The following INSR variants were observed in gnomAD, a reference collection of about 807,000 sequenced individuals.
The protein encoded by INSR is insulin receptor.
Under a neutral mutation model 142.6 loss-of-function variants are expected in INSR, and 67 were observed. The ratio of observed to expected loss-of-function variants is 0.47; its 90% CI spans 0.39 to 0.58. The LOEUF (loss-of-function observed/expected upper bound fraction) is 0.58. Ranked by LOEUF, INSR falls within the 20% of genes least tolerant of loss-of-function variation. INSR has a pLI of 0.00. For missense variants in INSR, 1,248 were observed against 1,833.2 expected (o/e 0.68, Z 5.83); for synonymous variants, 756 against 743.1 (o/e 1.02, Z -0.28).
rs1007419646 is a variant in INSR, at chr19:7,162,280, T to G, written c.2029+752A>C. 5.0e-5 allele frequency among the ~76,000 whole-genome samples: 7 copies of G among 139,604 alleles called. 1 individual carries two copies. Among genetic ancestry groups the G allele is most frequent in the South Asian group, 2.2e-4 (1 of 4,484 alleles). 91.6% of individuals were successfully genotyped at this position (139,604 alleles called of 152,430 possible). A position where few individuals can be genotyped will look rare whatever the true frequency, so the allele number is the denominator to read the frequency against. On this transcript the variant is annotated intron_variant, in intron 9 of 21. Transcript: ENST00000302850. Reference sequence around the variant, plus strand: ...AGGCAGAAGTTGCAATGAGCCGAGATCATGCCACTGCACTCCAGCCTGGGT... The same window carrying G: ...AGGCAGAAGTTGCAATGAGCCGAGAGCATGCCACTGCACTCCAGCCTGGGT...
intron 2 of INSR, among the ~76,000 whole-genome samples, chr19:7,257,336 A>G (rs1976925330): frequency 6.6e-6 from 1 of 152,012 alleles, no homozygotes; most frequent in African/African-American, 2.4e-5. Context: ...CATCGCCACA[A>G]GGGAATTTAT....
intron 13 of INSR, among the ~76,000 whole-genome samples, chr19:7,137,798 CAAAAAAAAAAAAA>C (rs1176523364): frequency 2.4e-4 from 10 of 41,468 alleles, no homozygotes; most frequent in Admixed American, 4.7e-4. Context: ...GACTCCATCT[CAAAAAAAAAAAAA>C]AAAAAAAAAA....
At chr19:7,154,971 T>C (rs143128459) in intron 9 of INSR, among the ~76,000 whole-genome samples, 21 of 151,930 alleles carry the variant, frequency 1.4e-4, no homozygotes, top group Admixed American at 4.6e-4. Context: ...GGACTGAAGA[T>C]TATAAGGTAA....
intron 15 of INSR, among the ~76,000 whole-genome samples, chr19:7,127,526 T>C (rs555303467): frequency 7.2e-5 from 11 of 152,216 alleles, no homozygotes; most frequent in Non-Finnish European, 1.3e-4. Flanking sequence ...TTACATTATA[T>C]CATTTATACA....
At chr19:7,162,447 G>A (rs777672323) in intron 9 of INSR, among the ~76,000 whole-genome samples, 13 of 151,474 alleles carry the variant, frequency 8.6e-5, no homozygotes, top group Admixed American at 2.6e-4. Context: ...GGAGGTGGAG[G>A]TTGCAGTGAG....
At chr19:7,117,479 T>C in intron 21 of INSR, 69 bp from the exon 22 acceptor site, 1 of 1,196,828 alleles carries the variant, frequency 8.4e-7, no homozygotes. Context: ...AAACCCCCAC[T>C]CTTGTCCCTG....
intron 13 of INSR, among the ~76,000 whole-genome samples, chr19:7,136,351 AT>A (rs1208343012): frequency 6.6e-6 from 1 of 151,630 alleles, no homozygotes; most frequent in Non-Finnish European, 1.5e-5. Context: ...ACCCTCCTTG[AT>A]TTTTTTTCTG....
chr19:7,264,022 A>C (rs1463579131), intron 2 of INSR, among the ~76,000 whole-genome samples: 1 of 152,132 alleles, frequency 6.6e-6, no homozygotes, highest in Non-Finnish European at 1.5e-5. Flanking sequence ...ATACAAAATT[A>C]GCTGGGTGTG....
At chr19:7,135,019 A>C (rs1972874404) in intron 13 of INSR, among the ~76,000 whole-genome samples, 1 of 149,748 alleles carries the variant, frequency 6.7e-6, no homozygotes, top group Admixed American at 6.7e-5. Flanking sequence ...GTTCCAAGCT[A>C]ATAGTGCATG....
At chr19:7,211,622 A>T (rs1975275769) in intron 2 of INSR, among the ~76,000 whole-genome samples, 1 of 152,186 alleles carries the variant, frequency 6.6e-6, no homozygotes, top group East Asian at 1.9e-4. Context: ...ACCCCTCAGG[A>T]ACCAAAACAT....
Position 7,292,710 on chromosome 19 carries a change from T to C in INSR, c.100+1082A>G, listed in dbSNP as rs2145262039. Among the ~76,000 whole-genome samples, 4 of 152,210 alleles carry C rather than the reference T, an allele frequency of 2.6e-5. 1 individual carries two copies. The South Asian group carries it at 8.3e-4, about 32-fold the overall frequency. On this transcript the variant is annotated intron_variant, in intron 1 of 21. Coordinates refer to ENST00000302850, the MANE Select transcript of INSR (RefSeq NM_000208.4). ...TAAAGCAGGGCCTCAGACCCCACAG[T>C]GGGAAACCCAGGCTATATTCCTTAA...
intron 1 of INSR, among the ~76,000 whole-genome samples, chr19:7,283,848 G>C (rs1407190026): frequency 6.6e-6 from 1 of 152,146 alleles, no homozygotes; most frequent in African/African-American, 2.4e-5. Context: ...AGGAAAATGC[G>C]AGGGTAAGTA....
chr19:7,163,001 C>T, intron 9 of INSR, 31 bp downstream of exon 9: 1 of 1,611,988 alleles, frequency 6.2e-7, no homozygotes, highest in Non-Finnish European at 8.5e-7. Context: ...GTGCAAACCC[C>T]ACCGATCCTA....
chr19:7,251,982 A>C (rs1976742116), intron 2 of INSR, among the ~76,000 whole-genome samples: 1 of 152,190 alleles, frequency 6.6e-6, no homozygotes, highest in African/African-American at 2.4e-5. Context: ...CTTCGAAAGA[A>C]GTGAAAATAG....
chr19:7,278,826 T>A (rs1487662148), intron 1 of INSR, among the ~76,000 whole-genome samples: 1 of 152,068 alleles, frequency 6.6e-6, no homozygotes, highest in Admixed American at 6.6e-5. Context: ...AAACCCCATG[T>A]CTACTAAAAA....
At chr19:7,144,440 G>A (rs1446556282) in intron 11 of INSR, among the ~76,000 whole-genome samples, 2 of 152,076 alleles carry the variant, frequency 1.3e-5, no homozygotes, top group South Asian at 4.1e-4. Context: ...TTTCACTCTT[G>A]TCGCCCAGGC....
At chr19:7,235,548 A>G (rs896630041) in intron 2 of INSR, among the ~76,000 whole-genome samples, 1 of 152,046 alleles carries the variant, frequency 6.6e-6, no homozygotes, top group Non-Finnish European at 1.5e-5. Flanking sequence ...TTTCAAAGAT[A>G]CTGTTAAGAA....
At chr19:7,247,932 T>C (rs1449672780) in intron 2 of INSR, among the ~76,000 whole-genome samples, 4 of 152,186 alleles carry the variant, frequency 2.6e-5, no homozygotes, top group Admixed American at 1.3e-4. Flanking sequence ...CACATGTGGC[T>C]GTGGCTGGCA....
At chr19:7,184,274 T>C in intron 3 of INSR, 42 bp downstream of exon 3, 1 of 1,577,356 alleles carries the variant, frequency 6.3e-7, no homozygotes, top group Non-Finnish European at 8.7e-7. Context: ...CCCACGTTCC[T>C]TCTCCTCTCG....
Sources: gnomAD v4.1 joint callset for allele counts (sites outside exome capture counted in the v4.1 genomes callset) on GRCh38, gnomAD v4.1.1 for gene constraint, MANE v1.5 for transcripts, NCBI Gene and HGNC (gene_info 2026-07-23, HGNC 2026-07-21) for gene names.